The following PAX2 variants were observed in gnomAD, a reference collection of about 807,000 sequenced individuals.
PAX2 encodes the protein paired box protein Pax-2.
PAX2 carries 9 observed loss-of-function variants against 41.7 expected under a neutral mutation model. The observed-to-expected ratio is 0.22, with a 90% confidence interval of 0.13 to 0.38. The LOEUF (loss-of-function observed/expected upper bound fraction) is 0.38. PAX2 is among the 10% of genes least tolerant of loss of function. The pLI, the probability that PAX2 is intolerant of heterozygous loss-of-function variation, is 1.00. For missense variants in PAX2, 418 were observed against 531.6 expected (o/e 0.79, Z 2.10); for synonymous variants, 221 against 212.7 (o/e 1.04, Z -0.34).
upstream of PAX2, among the ~76,000 whole-genome samples, chr10:100,742,231 G>C (rs1844979838): frequency 6.6e-6 from 1 of 152,244 alleles, no homozygotes; most frequent in Non-Finnish European, 1.5e-5. Flanking sequence ...CGGGGCAGCG[G>C]GCAGTGGACT....
chr10:100,812,150 C>T (rs1848010315), intron 7 of PAX2, among the ~76,000 whole-genome samples: 1 of 152,216 alleles, frequency 6.6e-6, no homozygotes, highest in African/African-American at 2.4e-5. Context: ...CATAGCCTCC[C>T]CTCCCCACCT....
chr10:100,738,459 A>T (rs1171482950), intron 1 of PAX2, among the ~76,000 whole-genome samples: 1 of 152,110 alleles, frequency 6.6e-6, no homozygotes, highest in African/African-American at 2.4e-5. Flanking sequence ...CTGTCTGCCT[A>T]TACTACCTTC....
At chr10:100,738,199 C>T (rs1844837474) in intron 1 of PAX2, among the ~76,000 whole-genome samples, 1 of 152,218 alleles carries the variant, frequency 6.6e-6, no homozygotes, top group Non-Finnish European at 1.5e-5. Flanking sequence ...CTCCCTCTCC[C>T]CATTCGGGCG....
At chr10:100,782,771 C>T (rs1467755698) in intron 5 of PAX2, among the ~76,000 whole-genome samples, 2 of 152,258 alleles carry the variant, frequency 1.3e-5, no homozygotes, top group South Asian at 2.1e-4. Context: ...TGGCGGCGGC[C>T]CCTGATGGGC....
intron 5 of PAX2, among the ~76,000 whole-genome samples, chr10:100,795,867 C>A (rs544667256): frequency 6.6e-6 from 1 of 152,370 alleles, no homozygotes; most frequent in Admixed American, 6.5e-5. Context: ...TTTGAAGATT[C>A]TTTCATTTGG....
chr10:100,740,004 C>G (rs994191181), intron 1 of PAX2, among the ~76,000 whole-genome samples: 1 of 152,246 alleles, frequency 6.6e-6, no homozygotes, highest in Non-Finnish European at 1.5e-5. Flanking sequence ...CGGCAACTCT[C>G]TAAGGTCCTC....
At chr10:100,779,137 G>C (rs1024066328) in intron 3 of PAX2, among the ~76,000 whole-genome samples, 1 of 152,226 alleles carries the variant, frequency 6.6e-6, no homozygotes. Flanking sequence ...GTTGAGGAGA[G>C]AAAGGTGGAC....
In PAX2 at chr10:100,750,767, G is replaced by T; in HGVS notation, c.286G>T (p.Val96Leu). 2 of 1,614,228 alleles carry T rather than the reference G, an allele frequency of 1.2e-6. No homozygotes were observed. The highest frequency in any genetic ancestry group is 1.7e-6 in the Non-Finnish European group (2 of 1,180,010). Residue 96 changes from valine (V) to leucine (L), a missense_variant, in exon 3 of 10, where the codon GTG becomes TTG. Physicochemically the swap from Val to Leu is conservative, Grantham distance 32. Around this residue, in one of 2 missense-constraint regions of PAX2, gnomAD observed 108 missense variants for 206.3 expected, o/e 0.52. Coordinates refer to ENST00000355243, the MANE Select transcript of PAX2 (RefSeq NM_000278.5). This position sits in a 1 kb window ranked among gnomAD's most constrained non-coding sequence, Gnocchi z 4.1. The part of the protein sequence containing the change: ...SKPKVATPKV[V>L]DKIAEYKRQN... ...GCCCAAAGTGGCGACGCCCAAAGTG[G>T]TGGACAAGATTGCTGAATACAAACG...
intron 1 of PAX2, among the ~76,000 whole-genome samples, chr10:100,738,436 G>A (rs1844845058): frequency 6.6e-6 from 1 of 152,168 alleles, no homozygotes; most frequent in South Asian, 2.1e-4. Flanking sequence ...TCTCAGCCCC[G>A]CCTGGAACAC....
intron 5 of PAX2, among the ~76,000 whole-genome samples, chr10:100,801,863 C>T (rs539737264): frequency 1.3e-5 from 2 of 152,270 alleles, no homozygotes; most frequent in Non-Finnish European, 2.9e-5. Context: ...TCAAATCTGG[C>T]TGTCATTTAC....
rs746748611 is a variant in PAX2 at position 100,827,614 on chromosome 10, C to T, written c.1180C>T (p.His394Tyr). 4 of 1,613,886 alleles carry T rather than the reference C, an allele frequency of 2.5e-6. No homozygotes were observed. Among genetic ancestry groups the T allele is most frequent in the Non-Finnish European group, 3.4e-6 (4 of 1,179,928 alleles). The change falls in exon 10 of 10, where the codon CAC (histidine) becomes TAC (tyrosine). Residue 394 changes from histidine (H) to tyrosine (Y), a missense_variant. Coordinates refer to ENST00000355243, the MANE Select transcript of PAX2 (RefSeq NM_000278.5). This position sits in a 1 kb window ranked among gnomAD's most constrained non-coding sequence, Gnocchi z 8.5. ...CGCTGCTGCCGCTGCCTATGACCGC[C>T]ACTAGTTACCGCGGGGACCACATCA... Reference protein sequence around the residue: ...PAAAAAAYDRH With the variant: ...PAAAAAAYDRY
rs770703982 is a variant in PAX2 at position 100,806,570 on chromosome 10, G to A, written c.757G>A (p.Val253Ile). The A allele has an allele frequency of 1.3e-5, 21 of 1,614,010 alleles. No individual in the cohort carries two copies. The highest frequency in any genetic ancestry group is 6.7e-5 in the African/African-American group (5 of 74,942). ...RVFERPSYPD[V>I]FQASEHIKSE... Reference sequence around the variant, plus strand: ...CTTTGAGCGTCCTTCCTACCCTGACGTCTTCCAGGCATCAGAGCACATCAA... The same window carrying A: ...CTTTGAGCGTCCTTCCTACCCTGACATCTTCCAGGCATCAGAGCACATCAA... Residue 253 changes from valine to isoleucine, a missense_variant, in exon 6 of 10, where the codon GTC becomes ATC. Val to Ile is a conservative substitution (Grantham distance 29). This residue lies in a region of PAX2 where 310 missense variants were observed against 325.2 expected (regional missense o/e 0.95). Transcript: ENST00000355243.
intron 5 of PAX2, among the ~76,000 whole-genome samples, chr10:100,789,260 C>T (rs1847003678): frequency 6.6e-6 from 1 of 152,202 alleles, no homozygotes; most frequent in African/African-American, 2.4e-5. Context: ...CACCTGCCAC[C>T]ATACCTGGCT....
chr10:100,815,621 T>TA (rs1245004571), intron 7 of PAX2, among the ~76,000 whole-genome samples: 5 of 152,232 alleles, frequency 3.3e-5, no homozygotes, highest in African/African-American at 1.2e-4. Context: ...CATTGACAGA[T>TA]ATGCGGCTGC....
At chr10:100,784,844 C>T (rs577642607) in intron 5 of PAX2, among the ~76,000 whole-genome samples, 36 of 152,340 alleles carry the variant, frequency 2.4e-4, no homozygotes, top group African/African-American at 8.4e-4. Flanking sequence ...GAGACCCCTT[C>T]CCATGCCTTG....
chr10:100,749,558 C>G, intron 1 of PAX2, 188 bp from the exon 2 acceptor site: 1 of 1,399,004 alleles, frequency 7.1e-7, no homozygotes, highest in Non-Finnish European at 9.3e-7. Flanking sequence ...AGTCTTCAGC[C>G]CAGCGTCTGT....
At position 100,826,870 on chromosome 10, in the gene PAX2, C is replaced by A; in HGVS notation, c.1022-139C>A. Reference sequence around the variant, plus strand: ...ATCGCCCCACCTCCGCCCGGCCCGCCCGCCACGGCCATTACCCTGCCCGCG... The same window carrying A: ...ATCGCCCCACCTCCGCCCGGCCCGCACGCCACGGCCATTACCCTGCCCGCG... On this transcript the variant is annotated intron_variant, in intron 8 of 9. Transcript: ENST00000355243. This position sits in a 1 kb window ranked among gnomAD's most constrained non-coding sequence, Gnocchi z 5.5. The A allele has an allele frequency of 3.0e-6, 2 of 666,414 alleles. No homozygotes were observed. Among genetic ancestry groups the A allele is most frequent in the South Asian group, 1.6e-5 (1 of 60,978 alleles). 41.3% of individuals were successfully genotyped at this position (666,414 alleles called of 1,614,324 possible).
At chr10:100,825,093 C>A in intron 8 of PAX2, 1 of 878,608 alleles carries the variant, frequency 1.1e-6, no homozygotes, top group Non-Finnish European at 1.9e-6. Context: ...GCTGACACTG[C>A]TTGGAAGAGC....
intron 3 of PAX2, among the ~76,000 whole-genome samples, chr10:100,775,410 C>T (rs2133886040): frequency 6.6e-6 from 1 of 152,274 alleles, no homozygotes. Context: ...TTCTTAAATT[C>T]TCCGAGATCA....
Sources: allele counts gnomAD v4.1 joint callset (sites outside exome capture counted in the v4.1 genomes callset), GRCh38; gene constraint gnomAD v4.1.1; regional missense constraint gnomAD v4.1.1; non-coding constraint Gnocchi (gnomAD v3.1); transcripts MANE v1.5; gene names NCBI Gene and HGNC (gene_info 2026-07-23, HGNC 2026-07-21).